The following GPATCH3 variants were observed in gnomAD, a reference collection of about 807,000 sequenced individuals.
GPATCH3 encodes the protein G patch domain-containing protein 3.
A neutral mutation model predicts 53.2 loss-of-function variants in GPATCH3; 45 were observed. The ratio of observed to expected loss-of-function variants is 0.85; its 90% CI spans 0.67 to 1.08. GPATCH3 has a LOEUF of 1.08. Ranked by LOEUF, GPATCH3 falls within the 50% of genes least tolerant of loss-of-function variation. The pLI is 0.00. For synonymous variants in GPATCH3, 280 were observed against 270.6 expected, an observed-to-expected ratio of 1.03 and a Z score of -0.34; for missense variants, 680 against 687.2, an observed-to-expected ratio of 0.99 and a Z score of 0.12.
intron 6 of GPATCH3, 104 bp downstream of exon 6, chr1:26,892,307 C>A (rs1315261058): frequency 1.5e-6 from 2 of 1,374,836 alleles, no homozygotes; most frequent in Non-Finnish European, 2.0e-6. Context: ...TGAATTTCAT[C>A]CCGCACGAGT....
rs532282831 is a variant in GPATCH3 at position 26,900,154 on chromosome 1, T to C, written c.289A>G (p.Ile97Val). The change falls in exon 1 of 7, where the codon ATC becomes GTC. Residue 97 changes from isoleucine (I) to valine (V), a missense_variant. Transcript: ENST00000361720. ...ACGCAGCAGCAGGTGCGGGTCTGGA[T>C]TGGAGTAGAGTCTCGAGTGGAGAGA... ...RPLSTRDSTP[I>V]QTRTCCCVIS... The C allele has an allele frequency of 6.1e-5, 98 of 1,613,732 alleles. No individual in the cohort carries two copies. The East Asian group carries it at 6.9e-4, about 11-fold the overall frequency.
chr1:26,896,760 C>T (rs1029550413), intron 2 of GPATCH3, among the ~76,000 whole-genome samples: 6 of 148,156 alleles, frequency 4.0e-5, no homozygotes, highest in Admixed American at 3.4e-4. Context: ...CAGTGGCTCA[C>T]GCCTATAATC....
intron 4 of GPATCH3, 113 bp downstream of exon 4, chr1:26,893,276 C>T (rs961825431): frequency 8.1e-6 from 7 of 864,666 alleles, no homozygotes; most frequent in African/African-American, 6.6e-5. Context: ...AGTGGGCTAC[C>T]CCAAGGGAAC....
chr1:26,895,539 A>G, intron 2 of GPATCH3, among the ~76,000 whole-genome samples: 1 of 151,056 alleles, frequency 6.6e-6, no homozygotes, highest in Non-Finnish European at 1.5e-5. Context: ...AAAAAAAAAA[A>G]AAAAGGAAAG....
In GPATCH3 at chr1:26,892,528, C is replaced by T. The variant is rs747345870; in HGVS notation, c.1244G>A (p.Arg415Gln). Residue 415 changes from arginine (R) to glutamine (Q), a missense_variant, in exon 6 of 7, where the codon CGG (arginine) becomes CAG (glutamine). Physicochemically the swap from Arg to Gln is conservative, Grantham distance 43. Transcript: ENST00000361720. ...TFERHTKGIG[R>Q]KVMERQGWAE... Reference sequence around the variant, plus strand: ...CCAGCCCTGCCGCTCCATCACCTTCCGCCCAATGCCCTGCAGAGTGAAGGG... The same window carrying T: ...CCAGCCCTGCCGCTCCATCACCTTCTGCCCAATGCCCTGCAGAGTGAAGGG... 5.1e-5 allele frequency: 83 copies of T among 1,612,416 alleles called. 1 individual carries two copies. The highest frequency in any genetic ancestry group is 6.7e-5 in the Admixed American group (4 of 59,980).
intron 2 of GPATCH3, among the ~76,000 whole-genome samples, chr1:26,894,696 A>C (rs1479441839): frequency 1.3e-5 from 2 of 152,008 alleles, no homozygotes; most frequent in South Asian, 2.1e-4. Context: ...TCTCCACTTG[A>C]TTAAATCCTC....
chr1:26,899,208 T>C (rs1225838983), intron 1 of GPATCH3, among the ~76,000 whole-genome samples: 1 of 152,194 alleles, frequency 6.6e-6, no homozygotes, highest in Non-Finnish European at 1.5e-5. Context: ...ATGCCTAGGT[T>C]TGTTGTAGCT....
chr1:26,896,938 C>T (rs536324029), intron 2 of GPATCH3, among the ~76,000 whole-genome samples: 24 of 151,220 alleles, frequency 1.6e-4, no homozygotes, highest in African/African-American at 4.6e-4. Flanking sequence ...AGGAGAATGG[C>T]GTGAACCCAG....
At chr1:26,897,225 A>C (rs886874006) in intron 2 of GPATCH3, 76 bp downstream of exon 2, 56 of 1,401,228 alleles carry the variant, frequency 4.0e-5, no homozygotes, top group Non-Finnish European at 5.1e-5. Flanking sequence ...TGTAATAGAC[A>C]ATTGAAGAGT....
At position 26,897,395 on chromosome 1, in the gene GPATCH3, T is replaced by A; in HGVS notation, c.782A>T (p.Gln261Leu). The A allele has an allele frequency of 6.2e-7, 1 of 1,614,182 alleles. No individual in the cohort carries two copies. The highest frequency in any genetic ancestry group is 1.3e-5 in the African/African-American group (1 of 75,028). The change falls in exon 2 of 7, where the codon CAA becomes CTA. Residue 261 changes from glutamine (Q) to leucine (L), a missense_variant. Transcript: ENST00000361720. ...TGGTATATCTGCCAGGTAGGTTCCT[T>A]GGGGTATTTCTTCACCCTCTGCTGT... The part of the protein sequence containing the change: ...VYTAEGEEIP[Q>L]GTYLADIPAS...
Position 26,897,512 on chromosome 1 carries a change from T to C in GPATCH3, c.665A>G (p.Gln222Arg). ...CCGGGAGGAACCTGTCTTGGGGAAC[T>C]GGAGCTGCAGCTGGGTGATGATCCG... ...PPRIITQLQL[Q>R]FPKTGSSRRY... Residue 222 changes from glutamine (Q) to arginine (R), a missense_variant, in exon 2 of 7, where the codon CAG (glutamine) becomes CGG (arginine). Coordinates refer to ENST00000361720, the MANE Select transcript of GPATCH3 (RefSeq NM_022078.3). The C allele has an allele frequency of 6.2e-7, 1 of 1,614,214 alleles. No homozygotes were observed. The highest frequency in any genetic ancestry group is 8.5e-7 in the Non-Finnish European group (1 of 1,180,022).
intron 3 of GPATCH3, 86 bp from the exon 4 acceptor site, chr1:26,893,534 T>TC (rs2081937987): frequency 1.1e-6 from 1 of 914,986 alleles, no homozygotes; most frequent in Non-Finnish European, 1.7e-6. Flanking sequence ...TTTGGCTTTT[T>TC]TTTTTTTTTT....
At chr1:26,892,896 G>A in intron 4 of GPATCH3, 105 bp from the exon 5 acceptor site, 2 of 1,367,670 alleles carry the variant, frequency 1.5e-6, no homozygotes, top group Non-Finnish European at 2.0e-6. Context: ...TTTTAATAGT[G>A]TTCTGTATCT....
intron 4 of GPATCH3, 77 bp from the exon 5 acceptor site, chr1:26,892,868 G>GT: frequency 6.5e-7 from 1 of 1,541,960 alleles, no homozygotes; most frequent in Non-Finnish European, 8.9e-7. Context: ...GGACCCCCTC[G>GT]TAAGATTGAC....
At position 26,891,158 on chromosome 1, in the gene GPATCH3, A is replaced by G; in HGVS notation, c.1430T>C (p.Ile477Thr). 1 of 1,614,038 alleles carries G rather than the reference A, an allele frequency of 6.2e-7. No individual in the cohort carries two copies. The highest frequency in any genetic ancestry group is 1.1e-5 in the South Asian group (1 of 91,048). The change falls in exon 7 of 7, where the codon ATC (isoleucine) becomes ACC (threonine). Residue 477 changes from isoleucine (I) to threonine (T), a missense_variant. Physicochemically the swap from Ile to Thr is moderately conservative, Grantham distance 89 (BLOSUM62 -1). Coordinates refer to ENST00000361720, the MANE Select transcript of GPATCH3 (RefSeq NM_022078.3). ...KRPRRNGLGL[I>T]STIYDEPLPQ... ...TAGAGGCTCATCATAGATGGTGGAG[A>G]TGAGCCCCAAGCCATTTCTACGGGG...
chr1:26,893,474 A>G (rs1216265438), intron 3 of GPATCH3, 26 bp from the exon 4 acceptor site: 1 of 1,577,334 alleles, frequency 6.3e-7, no homozygotes, highest in Admixed American at 1.7e-5. Flanking sequence ...AGCATCCAAC[A>G]GAGTACATTA....
rs2081971766 is a variant in GPATCH3 at position 26,900,409 on chromosome 1, T to C, written c.34A>G (p.Thr12Ala). The C allele has an allele frequency of 6.2e-7, 1 of 1,611,524 alleles. No individual in the cohort carries two copies. The highest frequency in any genetic ancestry group is 1.3e-5 in the African/African-American group (1 of 74,870). Residue 12 changes from threonine to alanine, a missense_variant, in exon 1 of 7, where the codon ACA becomes GCA. Thr to Ala is a moderately conservative substitution (Grantham distance 58, BLOSUM62 0). Transcript: ENST00000361720. ...AVPGEAEEEA[T>A]VYLVVSGIPS... ...ATACCGCTCACTACCAGGTAAACTG[T>C]CGCCTCCTCCTCCGCCTCGCCGGGC...
intron 1 of GPATCH3, 140 bp downstream of exon 1, chr1:26,899,852 T>C (rs1407663573): frequency 4.1e-6 from 3 of 736,204 alleles, no homozygotes; most frequent in South Asian, 1.9e-5. Context: ...TCCCTGCAAG[T>C]TGAGCCTGAA....
chr1:26,893,034 C>G (rs1242781619), intron 4 of GPATCH3: 12 of 569,918 alleles, frequency 2.1e-5, no homozygotes, highest in South Asian at 1.6e-4. Context: ...GAACCCAGGT[C>G]TTCCCTCCCC....
Sources: allele counts gnomAD v4.1 joint callset (sites outside exome capture counted in the v4.1 genomes callset), GRCh38; gene constraint gnomAD v4.1.1; transcripts MANE v1.5; gene names NCBI Gene and HGNC (gene_info 2026-07-23, HGNC 2026-07-21).